TRPC1: variants seen among roughly 807,000 people sequenced by gnomAD.
TRPC1 encodes short transient receptor potential channel 1.
Under a neutral mutation model 88.2 loss-of-function variants are expected in TRPC1, and 42 were observed. The ratio of observed to expected loss-of-function variants is 0.48; its 90% CI spans 0.37 to 0.62. The LOEUF (loss-of-function observed/expected upper bound fraction) is 0.62, where lower values mean the gene tolerates loss of function less well. TRPC1 is among the 20% of genes least tolerant of loss of function. TRPC1 has a pLI of 0.00. For missense variants in TRPC1, 699 were observed against 957.3 expected, an observed-to-expected ratio of 0.73 and a Z score of 3.56; for synonymous variants, 288 against 331.8, an observed-to-expected ratio of 0.87 and a Z score of 1.43.
chr3:142,740,116 C>T (rs906669693), intron 2 of TRPC1, among the ~76,000 whole-genome samples: 1 of 152,144 alleles, frequency 6.6e-6, no homozygotes, highest in African/African-American at 2.4e-5. Context: ...CAGTTTCATC[C>T]GAAACTATCT....
intron 4 of TRPC1, among the ~76,000 whole-genome samples, chr3:142,755,785 CTTT>C (rs545252750): frequency 6.6e-6 from 1 of 152,042 alleles, no homozygotes; most frequent in African/African-American, 2.4e-5. Flanking sequence ...TCAAAAAAGG[CTTT>C]TTTTACAGTG....
intron 4 of TRPC1, among the ~76,000 whole-genome samples, chr3:142,753,434 G>C (rs918811996): frequency 1.3e-5 from 2 of 152,126 alleles, no homozygotes; most frequent in African/African-American, 4.8e-5. Context: ...TCTGGGAATT[G>C]CTAAGTAGAA....
chr3:142,791,080 A>G lies in TRPC1; in HGVS notation c.1359A>G (p.Glu453=), dbSNP rs1441986198. The G allele has an allele frequency of 6.2e-7, 1 of 1,610,980 alleles. No individual in the cohort carries two copies. Among genetic ancestry groups the G allele is most frequent in the African/African-American group, 1.3e-5 (1 of 74,862 alleles). ...AAGGGTTGGAAGACTTTTTAGAAGA[A>G]TCTCGTAATCAACTCAGTTTTGTCA... ...WYEGLEDFLE[E]SRNQLSFVMN... is the part of the protein sequence containing the mutation. The change falls in exon 8 of 13, where the codon GAA becomes GAG. Residue 453 remains glutamate (E), a synonymous_variant. Transcript: ENST00000476941.
chr3:142,794,100 T>A (rs1936378189), intron 9 of TRPC1: 1 of 158,144 alleles, frequency 6.3e-6, no homozygotes. Flanking sequence ...TCATACCTGT[T>A]TTTCATGAAA....
intron 1 of TRPC1, among the ~76,000 whole-genome samples, chr3:142,727,036 TA>T: frequency 6.6e-6 from 1 of 152,342 alleles, no homozygotes; most frequent in East Asian, 1.9e-4. Context: ...CCTGCACTCC[TA>T]ACCACTACGT....
chr3:142,769,879 G>C (rs1322281949), intron 4 of TRPC1, among the ~76,000 whole-genome samples: 8 of 152,188 alleles, frequency 5.3e-5, no homozygotes, highest in Admixed American at 2.0e-4. Flanking sequence ...TTCTGTAGAT[G>C]TCTGTTACGT....
chr3:142,729,069 A>G (rs1933795116), intron 1 of TRPC1, among the ~76,000 whole-genome samples: 1 of 152,222 alleles, frequency 6.6e-6, no homozygotes, highest in African/African-American at 2.4e-5. Context: ...CAAATAACCA[A>G]AGTTTTACAA....
rs1159520441 is a variant in TRPC1 at position 142,763,959 on chromosome 3, A to AATATATATATATATATATATATATATAT, written c.633-13648_633-13647insTATATATATATATATATATATATATATA. On this transcript the variant is annotated intron_variant, in intron 4 of 12. Transcript: ENST00000476941. ...GCGAGACTCCGTCTCAAAAAAAAGA[A>AATATATATATATATATATATATATATAT]ATATATATATATATATATATATATA... Among the ~76,000 whole-genome samples, 95 of 76,250 alleles carry AATATATATATATATATATATATATATAT rather than the reference A, an allele frequency of 1.2e-3. 1 individual carries two copies. The highest frequency in any genetic ancestry group is 2.0e-3 in the Non-Finnish European group (80 of 39,900). The allele number at this position is 76,250 out of a possible 152,430, so 50.0% of individuals were successfully genotyped here. A position where few individuals can be genotyped will look rare whatever the true frequency, so the allele number is the denominator to read the frequency against.
At chr3:142,725,126 G>C (rs985016012) in intron 1 of TRPC1, among the ~76,000 whole-genome samples, 1 of 152,202 alleles carries the variant, frequency 6.6e-6, no homozygotes, top group African/African-American at 2.4e-5. Context: ...CACTCCAGTC[G>C]GAAAATTCCG....
rs930498173 is a variant in TRPC1 at position 142,807,647 on chromosome 3, G to A, written c.*1412G>A. The A allele has an allele frequency of 6.6e-6, 1 of 151,948 alleles. No homozygotes were observed. 9.4% of individuals were successfully genotyped at this position (151,948 alleles called of 1,614,324 possible). On this transcript the variant is annotated 3_prime_UTR_variant, in exon 13 of 13. Coordinates refer to ENST00000476941, the MANE Select transcript of TRPC1 (RefSeq NM_001251845.2). ...TCCAAATTTTAAGTGTTCCCTCTTT[G>A]GGGCAAATTCTTATAAAAATGTTTA...
intron 10 of TRPC1, among the ~76,000 whole-genome samples, chr3:142,803,000 T>TATA (rs1936670731): frequency 6.6e-6 from 1 of 152,176 alleles, no homozygotes; most frequent in Admixed American, 6.6e-5. Context: ...CCACTTACTA[T>TATA]ATACCAGCCA....
intron 1 of TRPC1, among the ~76,000 whole-genome samples, chr3:142,728,777 A>G (rs1428594346): frequency 6.6e-6 from 1 of 152,180 alleles, no homozygotes; most frequent in African/African-American, 2.4e-5. Context: ...CACCTTATTT[A>G]TATATAATGG....
rs1328576502 is a variant in TRPC1 at position 142,748,373 on chromosome 3, A to G, written c.545A>G (p.Asp182Gly). The G allele has an allele frequency of 6.2e-7, 1 of 1,614,148 alleles. No homozygotes were observed. The highest frequency in any genetic ancestry group is 8.5e-7 in the Non-Finnish European group (1 of 1,179,996). The change falls in exon 4 of 13, where the codon GAT (aspartate) becomes GGT (glycine). Residue 182 changes from aspartate to glycine, a missense_variant. Transcript: ENST00000476941. ...ATTCTTACAATGCTCTTAAAACAGG[A>G]TGTATCTCTACCCAAGCCCCATGCA... Reference protein sequence around the residue: ...YEILTMLLKQDVSLPKPHAVG... With the variant: ...YEILTMLLKQGVSLPKPHAVG...
intron 4 of TRPC1, among the ~76,000 whole-genome samples, chr3:142,754,890 A>G (rs1299130656): frequency 6.6e-6 from 1 of 152,168 alleles, no homozygotes; most frequent in African/African-American, 2.4e-5. Context: ...TATTGGAATA[A>G]CTGAATGGTA....
At chr3:142,803,917 G>A (rs1936697599) in intron 10 of TRPC1, 60 bp from the exon 11 acceptor site, 2 of 1,495,802 alleles carry the variant, frequency 1.3e-6, no homozygotes, top group Admixed American at 3.5e-5. Flanking sequence ...ATAAACAAAT[G>A]ATTCATTTTT....
At chr3:142,725,010 G>GA (rs1933615207) in intron 1 of TRPC1, among the ~76,000 whole-genome samples, 1 of 152,186 alleles carries the variant, frequency 6.6e-6, no homozygotes, top group Non-Finnish European at 1.5e-5. Flanking sequence ...TGGGAGCCCC[G>GA]ACCCCAGCGT....
chr3:142,742,912 CCTAA>C (rs1421202988), intron 2 of TRPC1, among the ~76,000 whole-genome samples: 1 of 152,040 alleles, frequency 6.6e-6, no homozygotes, highest in Non-Finnish European at 1.5e-5. Flanking sequence ...ACTTTGGTAG[CCTAA>C]CTATTTGTGG....
rs927616373 is a variant in TRPC1, at chr3:142,807,543, A to G, written c.*1308A>G. On this transcript the variant is annotated 3_prime_UTR_variant, in exon 13 of 13. Coordinates refer to ENST00000476941, the MANE Select transcript of TRPC1 (RefSeq NM_001251845.2). ...TGCAGGTAACCCTTGGTCTGTAAGCACCACCGATCCAGGGATCATTGTCTA... is the reference window on the plus strand; with the variant it reads ...TGCAGGTAACCCTTGGTCTGTAAGCGCCACCGATCCAGGGATCATTGTCTA... 6.6e-6 allele frequency: 1 copy of G among 152,208 alleles called. No individual in the cohort carries two copies. The highest frequency in any genetic ancestry group is 1.9e-4 in the East Asian group (1 of 5,202). The allele number at this position is 152,208 out of a possible 1,614,324, so 9.4% of individuals were successfully genotyped here. A position where few individuals can be genotyped will look rare whatever the true frequency, so the allele number is the denominator to read the frequency against.
Position 142,761,750 on chromosome 3 carries a change from A to T in TRPC1, c.632+13290A>T, listed in dbSNP as rs548053681. Among the ~76,000 whole-genome samples, 4 of 152,172 alleles carry T rather than the reference A, an allele frequency of 2.6e-5. No individual in the cohort carries two copies. In the East Asian group the frequency reaches 7.7e-4, roughly 29 times the overall value. On this transcript the variant is annotated intron_variant, in intron 4 of 12. Transcript: ENST00000476941. Reference sequence around the variant, plus strand: ...TTTTTATTATGGCTTTGATCTTGTTACTTATGATTGGTTTGTTGAGGTTTT... The same window carrying T: ...TTTTTATTATGGCTTTGATCTTGTTTCTTATGATTGGTTTGTTGAGGTTTT...
Sources: allele counts gnomAD v4.1 joint callset (sites outside exome capture counted in the v4.1 genomes callset), GRCh38; gene constraint gnomAD v4.1.1; transcripts MANE v1.5; gene names NCBI Gene and HGNC (gene_info 2026-07-23, HGNC 2026-07-21).